Variants in ZMAT4 observed in about 807,000 individuals in gnomAD.
The protein encoded by ZMAT4 is zinc finger matrin-type protein 4.
In ZMAT4, 17 loss-of-function variants were observed where a neutral mutation model predicts 28.7. The observed-to-expected ratio is 0.59, with a 90% confidence interval of 0.41 to 0.89. The LOEUF is 0.89. Ranked by LOEUF, ZMAT4 falls within the 40% of genes least tolerant of loss-of-function variation. The probability of loss-of-function intolerance (pLI) is 0.00; values close to 1 mark genes in which losing one functional copy is unlikely to be tolerated. For synonymous variants in ZMAT4, 117 were observed against 109.2 expected (o/e 1.07, Z -0.44); for missense variants, 240 against 283.8 (o/e 0.85, Z 1.11).
At chr8:40,610,500 C>CTA (rs767392232) in intron 5 of ZMAT4, among the ~76,000 whole-genome samples, 30 of 151,722 alleles carry the variant, frequency 2.0e-4, no homozygotes, top group Admixed American at 3.3e-4. Context: ...CAACCAAATT[C>CTA]TATATATATA....
intron 3 of ZMAT4, among the ~76,000 whole-genome samples, chr8:40,745,747 T>C (rs753328939): frequency 1.3e-5 from 2 of 152,116 alleles, no homozygotes; most frequent in Admixed American, 6.5e-5. Context: ...CCTACGCCTA[T>C]CTCTAAGATC....
intron 6 of ZMAT4, among the ~76,000 whole-genome samples, chr8:40,559,823 A>G (rs1203748190): frequency 6.6e-6 from 1 of 152,130 alleles, no homozygotes; most frequent in Non-Finnish European, 1.5e-5. Flanking sequence ...CCACATAAGT[A>G]CACACAAATA....
intron 1 of ZMAT4, among the ~76,000 whole-genome samples, chr8:40,861,765 G>A (rs1776653894): frequency 6.6e-6 from 1 of 152,196 alleles, no homozygotes; most frequent in South Asian, 2.1e-4. Context: ...CAAAGGATAT[G>A]AACAGACACT....
chr8:40,813,831 T>C (rs564910391), intron 2 of ZMAT4, among the ~76,000 whole-genome samples: 2 of 152,340 alleles, frequency 1.3e-5, no homozygotes, highest in Admixed American at 6.5e-5. Flanking sequence ...GGGAATGGCA[T>C]AGCCAGGCCT....
At chr8:40,801,591 A>G (rs928701360) in intron 2 of ZMAT4, among the ~76,000 whole-genome samples, 6 of 151,904 alleles carry the variant, frequency 3.9e-5, no homozygotes, top group African/African-American at 1.5e-4. Flanking sequence ...AATCACTTGA[A>G]TCCAGGAGGC....
chr8:40,729,895 C>T (rs548577576), intron 3 of ZMAT4, among the ~76,000 whole-genome samples: 1 of 152,148 alleles, frequency 6.6e-6, no homozygotes, highest in Admixed American at 6.5e-5. Flanking sequence ...GCATATATTT[C>T]TTTCTTGAAG....
chr8:40,820,399 T>A (rs1815718848), intron 2 of ZMAT4, among the ~76,000 whole-genome samples: 1 of 150,526 alleles, frequency 6.6e-6, no homozygotes. Flanking sequence ...TGTTTGTGTG[T>A]ATGTGTGTGA....
intron 3 of ZMAT4, among the ~76,000 whole-genome samples, chr8:40,722,638 C>A (rs536317165): frequency 6.6e-6 from 1 of 152,074 alleles, no homozygotes. Flanking sequence ...TTCTTTGATG[C>A]ATAAAAATAA....
Position 40,825,695 on chromosome 8 carries a change from A to G in ZMAT4, c.-4-15T>C, listed in dbSNP as rs1038188722. On this transcript the variant is annotated splice_polypyrimidine_tract_variant and intron_variant, in intron 1 of 6. Transcript: ENST00000297737. Reference sequence around the variant, plus strand: ...ACTTCATCAGGCTACAAGAGAATCAACAGAAAAGAAAAATGAGTCCACTGC... The same window carrying G: ...ACTTCATCAGGCTACAAGAGAATCAGCAGAAAAGAAAAATGAGTCCACTGC... The G allele has an allele frequency of 4.5e-6, 7 of 1,545,756 alleles. No individual in the cohort carries two copies. Among genetic ancestry groups the G allele is most frequent in the Non-Finnish European group, 6.1e-6 (7 of 1,143,602 alleles).
intron 6 of ZMAT4, among the ~76,000 whole-genome samples, chr8:40,565,480 A>T (rs1162362076): frequency 6.7e-6 from 1 of 148,366 alleles, no homozygotes; most frequent in African/African-American, 2.5e-5. Flanking sequence ...AGATTCAAGC[A>T]ATTCTCCTGC....
intron 5 of ZMAT4, among the ~76,000 whole-genome samples, chr8:40,670,831 G>A (rs1373682754): frequency 6.6e-6 from 1 of 152,128 alleles, no homozygotes; most frequent in Non-Finnish European, 1.5e-5. Context: ...CACTTTGGGA[G>A]GCCAAGGTGG....
At chr8:40,849,578 T>C (rs907561463) in intron 1 of ZMAT4, among the ~76,000 whole-genome samples, 1 of 152,150 alleles carries the variant, frequency 6.6e-6, no homozygotes, top group Admixed American at 6.5e-5. Flanking sequence ...TGTTCTCTTG[T>C]TCCTCCGTCA....
intron 5 of ZMAT4, among the ~76,000 whole-genome samples, chr8:40,617,178 C>CA (rs1806039106): frequency 6.6e-6 from 1 of 152,020 alleles, no homozygotes; most frequent in African/African-American, 2.4e-5. Context: ...ATATTGTTAA[C>CA]AAAAAGTGTA....
chr8:40,697,388 T>A lies in ZMAT4; in HGVS notation c.206A>T (p.Asp69Val). ...RLRSENGSDA[D>V]MVDKNKCCTL... The stretch of plus-strand genomic sequence containing the variant: ...GCAGCACTTGTTCTTATCCACCATG[T>A]CGGCATCACTTCCCTGCGCAGGGAG... The change falls in exon 4 of 7, where the codon GAC (aspartate) becomes GTC (valine). Residue 69 changes from aspartate (D) to valine (V), a missense_variant. By Grantham distance (152) the Asp-to-Val change is radical (BLOSUM62 -3). Coordinates refer to ENST00000297737, the MANE Select transcript of ZMAT4 (RefSeq NM_024645.3). The A allele has an allele frequency of 6.3e-7, 1 of 1,595,010 alleles. No individual in the cohort carries two copies. The highest frequency in any genetic ancestry group is 1.3e-5 in the African/African-American group (1 of 74,424).
intron 5 of ZMAT4, among the ~76,000 whole-genome samples, chr8:40,606,889 T>C (rs1805610802): frequency 1.3e-5 from 2 of 152,004 alleles, no homozygotes; most frequent in Admixed American, 6.6e-5. Flanking sequence ...TTGGAGGCTT[T>C]GTTCATTTTT....
intron 5 of ZMAT4, among the ~76,000 whole-genome samples, chr8:40,667,403 C>G (rs1485582883): frequency 6.6e-6 from 1 of 152,198 alleles, no homozygotes; most frequent in African/African-American, 2.4e-5. Context: ...ATCCACCCAC[C>G]TTGGCCTCCC....
intron 1 of ZMAT4, among the ~76,000 whole-genome samples, chr8:40,865,699 C>T (rs1817652162): frequency 2.0e-5 from 3 of 152,184 alleles, no homozygotes; most frequent in South Asian, 4.1e-4. Flanking sequence ...ATGTTGGTTA[C>T]CTGCAATCAC....
intron 5 of ZMAT4, among the ~76,000 whole-genome samples, chr8:40,673,802 A>T (rs192130403): frequency 3.9e-4 from 59 of 152,268 alleles, no homozygotes; most frequent in Admixed American, 3.5e-3. Context: ...TTCCAAATTC[A>T]GCAGCTTCTG....
chr8:40,818,701 T>C (rs139354369), intron 2 of ZMAT4, among the ~76,000 whole-genome samples: 2 of 152,312 alleles, frequency 1.3e-5, no homozygotes, highest in East Asian at 1.9e-4. Context: ...GGTGTGGGCC[T>C]AGCAGGCCCC....
Sources: allele counts gnomAD v4.1 joint callset (sites outside exome capture counted in the v4.1 genomes callset), GRCh38; gene constraint gnomAD v4.1.1; transcripts MANE v1.5; gene names NCBI Gene and HGNC (gene_info 2026-07-23, HGNC 2026-07-21).